The following NUP210 variants were observed in gnomAD, a reference collection of about 807,000 sequenced individuals.
The protein encoded by NUP210 is nucleoporin 210, also known as nuclear pore membrane glycoprotein 210.
In NUP210, 151 loss-of-function variants were observed where a neutral mutation model predicts 196.0. The ratio of observed to expected loss-of-function variants is 0.77; its 90% CI spans 0.67 to 0.88. The LOEUF (loss-of-function observed/expected upper bound fraction) is 0.88, where lower values mean the gene tolerates loss of function less well. Among genes scored for constraint, NUP210 ranks in the 40% least tolerant of loss-of-function variants. NUP210 has a pLI of 0.00. For missense variants in NUP210, 2,314 were observed against 2,493.7 expected, an observed-to-expected ratio of 0.93 and a Z score of 1.53; for synonymous variants, 1,070 against 1,052.7, an observed-to-expected ratio of 1.02 and a Z score of -0.32.
Position 13,322,194 on chromosome 3 carries a change from G to A in NUP210, c.4914C>T (p.Leu1638=), listed in dbSNP as rs778921013. 35 of 1,614,092 alleles carry A rather than the reference G, an allele frequency of 2.2e-5. No individual in the cohort carries two copies. The highest frequency in any genetic ancestry group is 1.1e-4 in the East Asian group (5 of 44,896). ...TCACTTTCAAATCCTCGCAATTACC[G>A]AGAGCAGTGTCAAACTGTGGCTCCA... ...FTVEPQFDTA[L]GQYFCSITMH... The change falls in exon 35 of 40, where the codon CTC becomes CTT. Residue 1638 remains leucine (L), a splice_region_variant and synonymous_variant. Coordinates refer to ENST00000254508, the MANE Select transcript of NUP210 (RefSeq NM_024923.4).
intron 6 of NUP210, among the ~76,000 whole-genome samples, chr3:13,384,178 G>A (rs1699197346): frequency 6.6e-6 from 1 of 151,804 alleles, no homozygotes; most frequent in African/African-American, 2.4e-5. Flanking sequence ...GGTCAGGCTG[G>A]TCTCGAACCC....
At chr3:13,370,907 TG>T (rs969285533) in intron 13 of NUP210, among the ~76,000 whole-genome samples, 2 of 152,256 alleles carry the variant, frequency 1.3e-5, no homozygotes, top group Admixed American at 1.3e-4. Context: ...CCCCACTGCC[TG>T]GACACTAGGT....
chr3:13,375,206 A>G (rs1576396587), intron 11 of NUP210, among the ~76,000 whole-genome samples: 1 of 136,154 alleles, frequency 7.3e-6, no homozygotes, highest in Admixed American at 7.9e-5. Flanking sequence ...TCAGCCTGGT[A>G]TCAAACTCCT....
At chr3:13,332,158 G>C (rs1357563344) in intron 29 of NUP210, 135 bp downstream of exon 29, 1 of 690,568 alleles carries the variant, frequency 1.4e-6, no homozygotes, top group Non-Finnish European at 2.7e-6. Flanking sequence ...GCAGGCAGAG[G>C]CCTCACCCAT....
intron 1 of NUP210, among the ~76,000 whole-genome samples, chr3:13,403,397 AG>A (rs1282431368): frequency 1.3e-5 from 2 of 152,146 alleles, no homozygotes; most frequent in East Asian, 3.9e-4. Flanking sequence ...CTTTTGTATA[AG>A]GGCACTAATC....
Position 13,347,672 on chromosome 3 carries a change from C to G in NUP210, c.2835+4207G>C, listed in dbSNP as rs77515648. 0.013 allele frequency among the ~76,000 whole-genome samples: 1,960 copies of G among 152,332 alleles called. 22 individuals carry two copies. Among genetic ancestry groups the G allele is most frequent in the Middle Eastern group, 0.034 (10 of 294 alleles). On this transcript the variant is annotated intron_variant, in intron 20 of 39. Transcript: ENST00000254508. This position sits in a 1 kb window ranked among gnomAD's most constrained non-coding sequence, Gnocchi z 4.7. ...TCAACAGGAAGGAAAGAAACCCTTT[C>G]TCTGAGCTAACTGGGGAGCGCTGGG...
intron 26 of NUP210, among the ~76,000 whole-genome samples, 173 bp downstream of exon 26, chr3:13,337,664 T>C (rs747473511): frequency 6.6e-6 from 1 of 152,174 alleles, no homozygotes; most frequent in East Asian, 1.9e-4. Flanking sequence ...CCTTCATCAG[T>C]GGCTACCAGA....
chr3:13,347,162 G>A lies in NUP210; in HGVS notation c.2836-3859C>T, dbSNP rs1465391924. On this transcript the variant is annotated intron_variant, in intron 20 of 39. Transcript: ENST00000254508. The surrounding 1 kb of genome is among the most constrained non-coding windows in gnomAD (Gnocchi z 4.7). ...TGGAGAGAAGCAGCCGCAGCTCATA[G>A]GACCCAGGAGATGGAGAGACACAGC... The A allele has an allele frequency of 2.6e-5, 26 of 985,324 alleles. No homozygotes were observed. Among genetic ancestry groups the A allele is most frequent in the Non-Finnish European group, 3.0e-5 (25 of 829,952 alleles). The allele number at this position is 985,324 out of a possible 1,614,324, so 61.0% of individuals were successfully genotyped here.
intron 21 of NUP210, 108 bp downstream of exon 21, chr3:13,343,067 A>C: frequency 1.5e-6 from 2 of 1,353,950 alleles, no homozygotes; most frequent in Non-Finnish European, 2.1e-6. Context: ...AGGGATGCAG[A>C]CCACAGGAGC....
At chr3:13,373,600 CT>C in intron 12 of NUP210, 117 bp downstream of exon 12, 6 of 1,024,038 alleles carry the variant, frequency 5.9e-6, no homozygotes, top group Non-Finnish European at 8.8e-6. Context: ...GCTTGAGCTC[CT>C]AAGTACAGGA....
At position 13,323,237 on chromosome 3, in the gene NUP210, T is replaced by C. The variant is rs1282424423; in HGVS notation, c.4768+72A>G. On this transcript the variant is annotated intron_variant, in intron 34 of 39. Coordinates refer to ENST00000254508, the MANE Select transcript of NUP210 (RefSeq NM_024923.4). The surrounding 1 kb of genome is among the most constrained non-coding windows in gnomAD (Gnocchi z 4.3). The stretch of plus-strand genomic sequence containing the variant: ...GAATAGGAGAAGCAGATAAACTCCA[T>C]CCAGAGGACACAGGAAGCCACCTCC... 1.3e-6 allele frequency: 2 copies of C among 1,596,332 alleles called. No individual in the cohort carries two copies. Among genetic ancestry groups the C allele is most frequent in the East Asian group, 2.2e-5 (1 of 44,610 alleles).
rs1696308754 is a variant in NUP210 at position 13,317,308 on chromosome 3, A to G, written c.*373T>C. ...ACCACTACAGTAACATCACCCACAG[A>G]CAACTTCTAAAGAGCACTTCTAACT... On this transcript the variant is annotated 3_prime_UTR_variant, in exon 40 of 40. Transcript: ENST00000254508. 3.8e-6 allele frequency: 1 copy of G among 266,454 alleles called. No homozygotes were observed. Among genetic ancestry groups the G allele is most frequent in the African/African-American group, 2.3e-5 (1 of 43,158 alleles). The allele number at this position is 266,454 out of a possible 1,614,324, so 16.5% of individuals were successfully genotyped here.
chr3:13,371,997 G>A lies in NUP210; in HGVS notation c.1623C>T (p.Ala541=). 6.3e-7 allele frequency: 1 copy of A among 1,594,900 alleles called. No homozygotes were observed. The change falls in exon 13 of 40, where the codon GCC becomes GCT. Residue 541 remains alanine (A), a synonymous_variant. Transcript: ENST00000254508. ...YVIEPHSMEF[A]PCQVEARVGQ... The stretch of plus-strand genomic sequence containing the variant: ...CCACACGTGCCTCCACCTGGCACGG[G>A]GCAAACTCCATGCTGTGGGGCTCGA...
intron 39 of NUP210, 120 bp from the exon 40 acceptor site, chr3:13,317,901 G>A (rs1026457081): frequency 1.6e-5 from 11 of 687,142 alleles, no homozygotes; most frequent in East Asian, 2.8e-5. Context: ...GTGATGCCCC[G>A]AGGCCTCCCC....
chr3:13,343,339 T>TGGGGTGGG, intron 20 of NUP210, 36 bp from the exon 21 acceptor site: 1 of 282,514 alleles, frequency 3.5e-6, no homozygotes. Context: ...GGGTGGGTGG[T>TGGGGTGGG]GGGTTACGCA....
rs1280997850 is a variant in NUP210 at position 13,375,780 on chromosome 3, G to A, written c.1294-139C>T. On this transcript the variant is annotated intron_variant, in intron 10 of 39. Coordinates refer to ENST00000254508, the MANE Select transcript of NUP210 (RefSeq NM_024923.4). ...GGGAAGAGTGGAGAGGAAGGTGCCA[G>A]ACACCCTGCTGCCCTCTCTTTCTCC... The A allele has an allele frequency of 3.5e-6, 3 of 855,382 alleles. No homozygotes were observed. In the East Asian group the frequency reaches 7.6e-5, roughly 22 times the overall value. The allele number at this position is 855,382 out of a possible 1,614,324, so 53.0% of individuals were successfully genotyped here. A position where few individuals can be genotyped will look rare whatever the true frequency, so the allele number is the denominator to read the frequency against.
chr3:13,333,648 C>A (rs2124847729), intron 28 of NUP210, among the ~76,000 whole-genome samples: 1 of 152,270 alleles, frequency 6.6e-6, no homozygotes. Flanking sequence ...GAGAAACAGC[C>A]TTTGGGAGCT....
intron 3 of NUP210, among the ~76,000 whole-genome samples, chr3:13,392,590 G>T (rs1043273721): frequency 2.0e-5 from 3 of 152,232 alleles, no homozygotes; most frequent in Non-Finnish European, 4.4e-5. Context: ...GAGTCCTCTA[G>T]TCCAACCCTT....
At chr3:13,341,027 A>G (rs1474536355) in intron 23 of NUP210, 1 of 152,256 alleles carries the variant, frequency 6.6e-6, no homozygotes, top group East Asian at 1.9e-4. Context: ...AGAGACACAG[A>G]TGGCACCCAC....
Sources: gnomAD v4.1 joint callset for allele counts (sites outside exome capture counted in the v4.1 genomes callset) on GRCh38, gnomAD v4.1.1 for gene constraint, Gnocchi (gnomAD v3.1) non-coding constraint, MANE v1.5 for transcripts, NCBI Gene and HGNC (gene_info 2026-07-23, HGNC 2026-07-21) for gene names.